ASRGL1: variants seen among roughly 807,000 people sequenced by gnomAD.
The protein encoded by ASRGL1 is isoaspartyl peptidase/L-asparaginase.
ASRGL1 carries 16 observed loss-of-function variants against 22.4 expected under a neutral mutation model. That is an observed-to-expected ratio of 0.71 (90% CI 0.48 to 1.08). The LOEUF is 1.08. Ranked by LOEUF, ASRGL1 falls within the 50% of genes least tolerant of loss-of-function variation. The pLI is 0.00. For synonymous variants in ASRGL1, 165 were observed against 159.3 expected (o/e 1.04, Z -0.27); for missense variants, 412 against 410.1 (o/e 1.00, Z -0.04).
At chr11:62,399,513 A>G in the ASRGL1 span, among the ~76,000 whole-genome samples, 2 of 152,138 alleles carry the variant, frequency 1.3e-5, no homozygotes, top group Non-Finnish European at 2.9e-5. Flanking sequence ...GCTTCATTTT[A>G]TTTGAGAGAA....
chr11:62,372,792 T>C, intron 4 of ASRGL1: 2 of 1,579,472 alleles, frequency 1.3e-6, no homozygotes, highest in South Asian at 1.1e-5. Context: ...TTACACCTGC[T>C]CCTTTGCCGT....
chr11:62,339,874 A>G (rs191365583), intron 2 of ASRGL1, among the ~76,000 whole-genome samples: 3 of 152,318 alleles, frequency 2.0e-5, no homozygotes, highest in African/African-American at 4.8e-5. Flanking sequence ...TCTGTCAGGG[A>G]AAAGAATTTC....
chr11:62,375,991 A>G (rs1946917692), intron 4 of ASRGL1, among the ~76,000 whole-genome samples: 1 of 151,284 alleles, frequency 6.6e-6, no homozygotes, highest in Admixed American at 6.6e-5. Flanking sequence ...AATCCCAGCT[A>G]CTCAGGAGGC....
intron 4 of ASRGL1, chr11:62,372,475 A>T: frequency 7.0e-7 from 1 of 1,427,512 alleles, no homozygotes; most frequent in Non-Finnish European, 9.9e-7. Context: ...GCTGGGACAC[A>T]ACTCAGATGG....
At chr11:62,339,262 A>G (rs1945807938) in intron 2 of ASRGL1, among the ~76,000 whole-genome samples, 1 of 152,170 alleles carries the variant, frequency 6.6e-6, no homozygotes, top group South Asian at 2.1e-4. Flanking sequence ...GTCATACTAG[A>G]GTCCCGCTGG....
At chr11:62,367,021 A>G (rs1200591764) in intron 4 of ASRGL1, among the ~76,000 whole-genome samples, 1 of 151,450 alleles carries the variant, frequency 6.6e-6, no homozygotes, top group Non-Finnish European at 1.5e-5. Flanking sequence ...TCTGACCAAC[A>G]TGGTGAAACC....
At chr11:62,337,842 G>A in intron 1 of ASRGL1, 48 bp from the exon 2 acceptor site, 1 of 971,090 alleles carries the variant, frequency 1.0e-6, no homozygotes, top group South Asian at 1.8e-5. Flanking sequence ...CCCACCCCCA[G>A]CTGCGAACCC....
chr11:62,380,321 AGCAGCATCTCGGAGCCTT>A (rs1243845240), intron 4 of ASRGL1, among the ~76,000 whole-genome samples: 2 of 152,022 alleles, frequency 1.3e-5, no homozygotes, highest in African/African-American at 4.8e-5. Context: ...TTGACTTTTG[AGCAGCATCTCGGAGCCTT>A]GCCACAAAAT....
At chr11:62,353,343 CT>C (rs35136967) in intron 2 of ASRGL1, among the ~76,000 whole-genome samples, 320 of 135,874 alleles carry the variant, frequency 2.4e-3, no homozygotes, top group East Asian at 7.4e-3. Context: ...TTTTATGATG[CT>C]TTTTTTTTTT....
chr11:62,342,915 A>G (rs1346257659), intron 2 of ASRGL1, among the ~76,000 whole-genome samples: 2 of 152,216 alleles, frequency 1.3e-5, no homozygotes, highest in African/African-American at 4.8e-5. Flanking sequence ...AATATACCAC[A>G]GTTGGTTTAA....
In ASRGL1 at chr11:62,356,241, G is replaced by T. The variant is rs545493193; in HGVS notation, c.191-84G>T. 255 of 1,511,826 alleles carry T rather than the reference G, an allele frequency of 1.7e-4. 1 individual carries two copies. In the African/African-American group the frequency reaches 3.2e-3, roughly 19 times the overall value. 93.7% of individuals were successfully genotyped at this position (1,511,826 alleles called of 1,614,324 possible). ...CACCTCCCGGATGGGGCGGCTGGCC[G>T]GGCGGGGGGCTGACCCCCCCACCTC... On this transcript the variant is annotated intron_variant, in intron 2 of 6. Transcript: ENST00000415229.
At chr11:62,382,946 T>G in intron 4 of ASRGL1, 1 of 152,330 alleles carries the variant, frequency 6.6e-6, no homozygotes, top group East Asian at 1.9e-4. Context: ...AGCACGTCTC[T>G]GCGACACAGG....
intron 4 of ASRGL1, chr11:62,371,188 G>T: frequency 8.0e-7 from 1 of 1,246,670 alleles, no homozygotes; most frequent in Middle Eastern, 2.8e-4. Context: ...CTCGGGCAAC[G>T]GCACTGCCCA....
At chr11:62,385,221 C>T (rs1947173179) in intron 4 of ASRGL1, among the ~76,000 whole-genome samples, 1 of 152,216 alleles carries the variant, frequency 6.6e-6, no homozygotes, top group Non-Finnish European at 1.5e-5. Flanking sequence ...GAGCATTTTA[C>T]ATTTGTTTAT....
chr11:62,372,365 C>T, intron 4 of ASRGL1: 2 of 1,564,360 alleles, frequency 1.3e-6, no homozygotes, highest in Non-Finnish European at 1.8e-6. Context: ...TAATGTACAA[C>T]AGCCTGCCAA....
intron 2 of ASRGL1, among the ~76,000 whole-genome samples, chr11:62,351,559 A>C (rs1237917637): frequency 6.6e-6 from 1 of 151,938 alleles, no homozygotes; most frequent in Non-Finnish European, 1.5e-5. Flanking sequence ...CTGAGGCAGG[A>C]GAATCACTTG....
chr11:62,338,219 T>C (rs547641515), intron 2 of ASRGL1, 52 bp downstream of exon 2: 1 of 1,452,016 alleles, frequency 6.9e-7, no homozygotes, highest in Admixed American at 2.7e-5. Context: ...AAGCTCCTTC[T>C]TCAGAATAAA....
chr11:62,397,696 T>G (rs1356683994), downstream of ASRGL1, among the ~76,000 whole-genome samples: 1 of 151,724 alleles, frequency 6.6e-6, no homozygotes, highest in African/African-American at 2.4e-5. Context: ...CGGGAAAAAT[T>G]TCCTATCAGC....
chr11:62,367,073 G>A (rs1414048009), intron 4 of ASRGL1, among the ~76,000 whole-genome samples: 2 of 151,378 alleles, frequency 1.3e-5, no homozygotes, highest in African/African-American at 2.4e-5. Context: ...GCATGGTGGC[G>A]CATGCCTGTA....
Sources: gnomAD v4.1 joint callset for allele counts (sites outside exome capture counted in the v4.1 genomes callset) on GRCh38, gnomAD v4.1.1 for gene constraint, MANE v1.5 for transcripts, NCBI Gene and HGNC (gene_info 2026-07-23, HGNC 2026-07-21) for gene names.